Variants in SHANK2 observed in about 807,000 individuals in gnomAD.
The protein encoded by SHANK2 is SH3 and multiple ankyrin repeat domains 2, also known as SH3 and multiple ankyrin repeat domains protein 2.
SHANK2 carries 43 observed loss-of-function variants against 133.7 expected under a neutral mutation model. The ratio of observed to expected loss-of-function variants is 0.32; its 90% CI spans 0.25 to 0.41. The LOEUF is 0.41. Ranked by LOEUF, SHANK2 falls within the 10% of genes least tolerant of loss-of-function variation. The pLI, the probability that SHANK2 is intolerant of heterozygous loss-of-function variation, is 1.00. For synonymous variants in SHANK2, 1,017 were observed against 952.8 expected, an observed-to-expected ratio of 1.07 and a Z score of -1.24; for missense variants, 1,994 against 2,235.8, an observed-to-expected ratio of 0.89 and a Z score of 2.18.
At chr11:70,799,163 C>T (rs1422146497) in intron 13 of SHANK2, among the ~76,000 whole-genome samples, 6 of 151,804 alleles carry the variant, frequency 4.0e-5, no homozygotes, top group Non-Finnish European at 5.9e-5. Flanking sequence ...TTTGGGGGGC[C>T]GAGGGGAGTG....
At chr11:71,073,913 T>C (rs991210569) in intron 9 of SHANK2, among the ~76,000 whole-genome samples, 6,020 of 151,990 alleles carry the variant, frequency 0.04, 393 homozygotes, top group African/African-American at 0.14. Flanking sequence ...GCTGACGGGG[T>C]AGATGGCTGA....
intron 8 of SHANK2, among the ~76,000 whole-genome samples, chr11:71,085,706 T>TTA (rs1273784478): frequency 0.09 from 1,721 of 19,114 alleles, 96 homozygotes; most frequent in African/African-American, 0.18. Flanking sequence ...ATATTATATG[T>TTA]TATATATATT....
intron 1 of SHANK2, among the ~76,000 whole-genome samples, chr11:71,234,693 C>G (rs3020023): frequency 0.61 from 91,934 of 151,950 alleles, 30,828 homozygotes; most frequent in East Asian, 0.9. Flanking sequence ...CCCTTCCATG[C>G]CTTCCCCACT....
intron 2 of SHANK2, among the ~76,000 whole-genome samples, chr11:71,216,345 CTGAG>C (rs1423816020): frequency 6.6e-6 from 1 of 152,130 alleles, no homozygotes; most frequent in Admixed American, 6.6e-5. Flanking sequence ...AAACATGATG[CTGAG>C]TGAGAAGATG....
chr11:70,493,875 G>A (rs1444899346), intron 21 of SHANK2, among the ~76,000 whole-genome samples: 1 of 152,220 alleles, frequency 6.6e-6, no homozygotes, highest in African/African-American at 2.4e-5. Flanking sequence ...TGAGCCATGA[G>A]GCTATTGTGC....
chr11:70,645,826 C>A (rs1251629716), intron 17 of SHANK2, among the ~76,000 whole-genome samples: 1 of 151,942 alleles, frequency 6.6e-6, no homozygotes, highest in Admixed American at 6.5e-5. Flanking sequence ...GACCCCCTGC[C>A]CTGCCACAGC....
At chr11:70,899,890 C>T (rs1555076425) in intron 10 of SHANK2, among the ~76,000 whole-genome samples, 1 of 152,216 alleles carries the variant, frequency 6.6e-6, no homozygotes, top group Non-Finnish European at 1.5e-5. Context: ...GGGCTCTGGC[C>T]TGGGCTGCCT....
chr11:70,526,458 G>A (rs1046368003), intron 17 of SHANK2, among the ~76,000 whole-genome samples: 2 of 152,204 alleles, frequency 1.3e-5, no homozygotes, highest in East Asian at 1.9e-4. Context: ...TGATTGCCAT[G>A]CCTTTCAATG....
chr11:70,544,731 C>T (rs2059667865), intron 17 of SHANK2, among the ~76,000 whole-genome samples: 1 of 152,244 alleles, frequency 6.6e-6, no homozygotes, highest in South Asian at 2.1e-4. Context: ...GCCCCTGCTG[C>T]TGCTGTGACC....
Position 70,755,800 on chromosome 11 carries a change from C to T in SHANK2, c.1777+42643G>A, listed in dbSNP as rs563214527. On this transcript the variant is annotated intron_variant, in intron 14 of 25. Transcript: ENST00000601538. The stretch of plus-strand genomic sequence containing the variant: ...ACACCGCGCCAGCAGATTCCTGGAA[C>T]GCCGCGGCTTCCGGAGGGGCCTCCC... Among the ~76,000 whole-genome samples the T allele has an allele frequency of 1.3e-4, 20 of 152,344 alleles. No homozygotes were observed. The South Asian group carries it at 1.7e-3, about 13-fold the overall frequency.
intron 14 of SHANK2, among the ~76,000 whole-genome samples, chr11:70,793,833 A>G (rs566011239): frequency 6.6e-6 from 1 of 152,342 alleles, no homozygotes; most frequent in African/African-American, 2.4e-5. Flanking sequence ...AGAGAAATAA[A>G]AATGTATGTC....
At chr11:70,819,460 T>C (rs1305137618) in intron 12 of SHANK2, among the ~76,000 whole-genome samples, 1 of 152,176 alleles carries the variant, frequency 6.6e-6, no homozygotes, top group Non-Finnish European at 1.5e-5. Context: ...AGCTGATCCC[T>C]GGGAAGTCTC....
chr11:70,502,734 C>CG, intron 18 of SHANK2, 62 bp downstream of exon 18: 12 of 679,546 alleles, frequency 1.8e-5, no homozygotes, highest in South Asian at 6.4e-5. Flanking sequence ...CTGTCCTGCC[C>CG]GCCCCCACCC....
intron 14 of SHANK2, among the ~76,000 whole-genome samples, chr11:70,759,313 C>A (rs201713577): frequency 6.6e-6 from 1 of 150,408 alleles, no homozygotes; most frequent in African/African-American, 2.5e-5. Flanking sequence ...GGCCAAACCC[C>A]GTCACTAGTA....
intron 5 of SHANK2, among the ~76,000 whole-genome samples, chr11:71,111,095 G>A (rs1290051413): frequency 6.6e-6 from 1 of 150,508 alleles, no homozygotes; most frequent in Non-Finnish European, 1.5e-5. Context: ...AAAATGGTGA[G>A]AGTCACACTT....
chr11:70,695,965 G>A (rs61886414), intron 15 of SHANK2, among the ~76,000 whole-genome samples: 8,241 of 152,106 alleles, frequency 0.054, 304 homozygotes, highest in Middle Eastern at 0.11. Flanking sequence ...GTTGACCCCA[G>A]TGTGGTCTGC....
intron 17 of SHANK2, among the ~76,000 whole-genome samples, chr11:70,560,623 G>T (rs1554980620): frequency 6.7e-6 from 1 of 149,832 alleles, no homozygotes; most frequent in African/African-American, 2.5e-5. Flanking sequence ...CTGATTCCAA[G>T]ACTTTTTTTC....
intron 14 of SHANK2, among the ~76,000 whole-genome samples, chr11:70,706,955 G>A (rs1234044300): frequency 2.0e-5 from 3 of 152,082 alleles, no homozygotes; most frequent in African/African-American, 4.8e-5. Flanking sequence ...CTGATCCTGC[G>A]CTCTGACTGT....
chr11:70,902,439 C>T (rs1273434922), intron 10 of SHANK2, among the ~76,000 whole-genome samples: 1 of 152,238 alleles, frequency 6.6e-6, no homozygotes, highest in Non-Finnish European at 1.5e-5. Context: ...CCAGCCCCTG[C>T]CGCCTCCCCA....
Sources: allele counts gnomAD v4.1 joint callset (sites outside exome capture counted in the v4.1 genomes callset), GRCh38; gene constraint gnomAD v4.1.1; transcripts MANE v1.5; gene names NCBI Gene and HGNC (gene_info 2026-07-23, HGNC 2026-07-21).